Variants in DMD observed in about 807,000 individuals in gnomAD.
The protein encoded by DMD is dystrophin.
A neutral mutation model predicts 330.1 loss-of-function variants in DMD; 63 were observed. That is an observed-to-expected ratio of 0.19 (90% confidence interval 0.16 to 0.24). The LOEUF is 0.24. Among genes scored for constraint, DMD ranks in the 10% least tolerant of loss-of-function variants. DMD has a pLI of 1.00. For synonymous variants in DMD, 1,223 were observed against 959.8 expected, an observed-to-expected ratio of 1.27 and a Z score of -5.07; for missense variants, 3,344 against 2,684.1, an observed-to-expected ratio of 1.25 and a Z score of -5.43.
At chrX:33,123,445 C>T (rs1457750556) in intron 1 of DMD, among the ~76,000 whole-genome samples, 1 of 110,926 alleles carries the variant, frequency 9.0e-6, no homozygotes, top group East Asian at 2.9e-4. Flanking sequence ...GAGACAGAAT[C>T]TACCTCTGTC....
At chrX:33,326,165 A>T (rs1217554780) in intron 1 of DMD, among the ~76,000 whole-genome samples, 4 of 110,563 alleles carry the variant, frequency 3.6e-5, no homozygotes, top group African/African-American at 1.3e-4. Flanking sequence ...TCACCTTAGG[A>T]CTCAAACAAA....
At chrX:31,962,956 G>A (rs914311226) in intron 45 of DMD, among the ~76,000 whole-genome samples, 2 of 112,065 alleles carry the variant, frequency 1.8e-5, no homozygotes, top group African/African-American at 3.2e-5. Flanking sequence ...AGCCATTTGA[G>A]TCATTAAAAT....
chrX:32,934,804 A>G (rs5928121), intron 2 of DMD, among the ~76,000 whole-genome samples: 49,201 of 111,231 alleles, frequency 0.44, 8,646 homozygotes, highest in African/African-American at 0.65. Flanking sequence ...ATTAACTACC[A>G]TCCAGAATCT....
intron 2 of DMD, among the ~76,000 whole-genome samples, chrX:32,965,583 T>C (rs1165041888): frequency 1.8e-5 from 2 of 110,203 alleles, no homozygotes; most frequent in African/African-American, 6.6e-5. Flanking sequence ...TTTCGGGGAT[T>C]TGCCTCAAAA....
At chrX:31,251,006 C>T (rs1022021244) in intron 63 of DMD, among the ~76,000 whole-genome samples, 3 of 108,886 alleles carry the variant, frequency 2.8e-5, no homozygotes, top group Non-Finnish European at 5.7e-5. Context: ...CGCTTGAACC[C>T]GGGAGGCAGA....
At chrX:33,122,428 T>G (rs2095430866) in intron 1 of DMD, among the ~76,000 whole-genome samples, 1 of 112,180 alleles carries the variant, frequency 8.9e-6, no homozygotes, top group African/African-American at 3.2e-5. Context: ...TCATTATCTT[T>G]AATTACATGG....
intron 1 of DMD, among the ~76,000 whole-genome samples, chrX:33,137,807 G>C (rs1023256164): frequency 1.8e-4 from 20 of 111,437 alleles, no homozygotes; most frequent in African/African-American, 6.5e-4. Flanking sequence ...AAATAATGAA[G>C]GAACAGAAGA....
At chrX:33,335,708 C>T (rs1474698994) in intron 1 of DMD, among the ~76,000 whole-genome samples, 1 of 110,682 alleles carries the variant, frequency 9.0e-6, no homozygotes, top group East Asian at 2.9e-4. Context: ...AGAACAGAGA[C>T]ATAAGGCACA....
At chrX:32,857,746 A>C (rs2081701704) in intron 2 of DMD, among the ~76,000 whole-genome samples, 1 of 111,524 alleles carries the variant, frequency 9.0e-6, no homozygotes, top group Non-Finnish European at 1.9e-5. Flanking sequence ...GTACAGAATA[A>C]AACATGAATC....
intron 44 of DMD, among the ~76,000 whole-genome samples, chrX:32,211,616 T>C (rs1178802454): frequency 1.8e-5 from 2 of 111,770 alleles, no homozygotes; most frequent in African/African-American, 6.5e-5. Context: ...TCGCTCCCCA[T>C]GTCTGCTTAA....
At chrX:32,371,134 C>A (rs2097875487) in intron 34 of DMD, among the ~76,000 whole-genome samples, 1 of 111,275 alleles carries the variant, frequency 9.0e-6, no homozygotes, top group African/African-American at 3.3e-5. Flanking sequence ...GAGTGATAGT[C>A]ATTAAATTCT....
Position 31,241,650 on chromosome X carries a change from T to A in DMD, c.9287-18529A>T, listed in dbSNP as rs146069840. The stretch of plus-strand genomic sequence containing the variant: ...AAACCTGTCCAATCTGTGATTACCT[T>A]CTGGCAATTCTACCTTGTTAAGAAA... On this transcript the variant is annotated intron_variant, in intron 63 of 78. Transcript: ENST00000357033. 8.3e-3 allele frequency among the ~76,000 whole-genome samples: 920 copies of A among 111,408 alleles called. 9 individuals carry two copies. The highest frequency in any genetic ancestry group is 0.029 in the African/African-American group (876 of 30,610).
chrX:31,947,914 TTAA>T (rs748411891), intron 45 of DMD, among the ~76,000 whole-genome samples: 31 of 110,931 alleles, frequency 2.8e-4, no homozygotes, highest in African/African-American at 9.5e-4. Context: ...ACATATCCTC[TTAA>T]TAATAATTTA....
At position 32,410,954 on chromosome X, in the gene DMD, A is replaced by C. The variant is rs144716935; in HGVS notation, c.4233+798T>G. 5.8e-3 allele frequency among the ~76,000 whole-genome samples: 646 copies of C among 111,447 alleles called. 3 individuals are homozygous for C. Among genetic ancestry groups the C allele is most frequent in the African/African-American group, 0.019 (596 of 30,649 alleles). ...TTGAATGAAGCATGGGAGTGAGTGCATGTAGCTATATTGAGCATGATCATT... is the reference window on the plus strand; with the variant it reads ...TTGAATGAAGCATGGGAGTGAGTGCCTGTAGCTATATTGAGCATGATCATT... On this transcript the variant is annotated intron_variant, in intron 30 of 78. Transcript: ENST00000357033.
chrX:32,630,494 G>A (rs546254840), intron 11 of DMD, among the ~76,000 whole-genome samples: 37 of 110,537 alleles, frequency 3.3e-4, no homozygotes, highest in Middle Eastern at 4.7e-3. Context: ...GGGAAGTTCT[G>A]TGTTATTACC....
chrX:31,589,892 A>T (rs1382635347), intron 55 of DMD, among the ~76,000 whole-genome samples: 2 of 111,336 alleles, frequency 1.8e-5, no homozygotes, highest in Non-Finnish European at 3.8e-5. Flanking sequence ...CTTGTACCTC[A>T]TAAATTTATA....
In DMD at chrX:32,086,522, G is replaced by A. The variant is rs767996138; in HGVS notation, c.6439-118008C>T. Reference sequence around the variant, plus strand: ...ACGCAAAAAACTGAATACATTAATTGGCATTCATCCTTTGTTGTTGGGTGG... The same window carrying A: ...ACGCAAAAAACTGAATACATTAATTAGCATTCATCCTTTGTTGTTGGGTGG... On this transcript the variant is annotated intron_variant, in intron 44 of 78. Coordinates refer to ENST00000357033, the MANE Select transcript of DMD (RefSeq NM_004006.3). Among the ~76,000 whole-genome samples the A allele has an allele frequency of 1.1e-3, 119 of 111,015 alleles. 1 individual carries two copies. The highest frequency in any genetic ancestry group is 2.0e-3 in the Non-Finnish European group (104 of 52,980).
intron 43 of DMD, among the ~76,000 whole-genome samples, chrX:32,231,577 A>T (rs750958993): frequency 1.3e-3 from 149 of 111,952 alleles, no homozygotes; most frequent in African/African-American, 4.5e-3. Context: ...CAAATACATA[A>T]ATAAAACTGA....
chrX:32,669,817 C>T (rs1447993585), intron 9 of DMD, among the ~76,000 whole-genome samples: 2 of 111,029 alleles, frequency 1.8e-5, no homozygotes, highest in African/African-American at 3.3e-5. Context: ...TGCCAATGCC[C>T]TTCTCTTGCC....
Sources: allele counts gnomAD v4.1 joint callset (sites outside exome capture counted in the v4.1 genomes callset), GRCh38; gene constraint gnomAD v4.1.1; transcripts MANE v1.5; gene names NCBI Gene and HGNC (gene_info 2026-07-23, HGNC 2026-07-21).